The following BMPR2 variants were observed in gnomAD, a reference collection of about 807,000 sequenced individuals.
BMPR2 encodes the protein bone morphogenetic protein receptor type-2.
BMPR2 carries 29 observed loss-of-function variants against 100.8 expected under a neutral mutation model. That is an observed-to-expected ratio of 0.29 (90% CI 0.21 to 0.39). The LOEUF (loss-of-function observed/expected upper bound fraction) is 0.39. Among genes scored for constraint, BMPR2 ranks in the 10% least tolerant of loss-of-function variants. The pLI, the probability that BMPR2 is intolerant of heterozygous loss-of-function variation, is 1.00. For synonymous variants in BMPR2, 382 were observed against 442.3 expected (o/e 0.86, Z 1.71); for missense variants, 1,011 against 1,274.5 (o/e 0.79, Z 3.15).
intron 1 of BMPR2, among the ~76,000 whole-genome samples, chr2:202,432,059 G>T (rs1018250802): frequency 6.7e-6 from 1 of 150,298 alleles, no homozygotes; most frequent in Non-Finnish European, 1.5e-5. Flanking sequence ...GTGTGTTTGG[G>T]GTTGCCATTA....
At chr2:202,380,490 T>A (rs1295369091) in intron 1 of BMPR2, among the ~76,000 whole-genome samples, 1 of 152,152 alleles carries the variant, frequency 6.6e-6, no homozygotes, top group Non-Finnish European at 1.5e-5. Flanking sequence ...GGGTTCTTGA[T>A]AAAAATGCAT....
intron 3 of BMPR2, among the ~76,000 whole-genome samples, chr2:202,469,840 A>G (rs973596182): frequency 6.6e-6 from 1 of 151,858 alleles, no homozygotes; most frequent in Non-Finnish European, 1.5e-5. Flanking sequence ...ATTGAAAGAT[A>G]AGGGGGGGAA....
intron 1 of BMPR2, among the ~76,000 whole-genome samples, chr2:202,392,446 TAAAG>T (rs1481145531): frequency 1.3e-5 from 2 of 149,670 alleles, no homozygotes; most frequent in Non-Finnish European, 3.0e-5. Flanking sequence ...GAATTCCAAA[TAAAG>T]AAAGTGTTAC....
In BMPR2 at chr2:202,560,819, C is replaced by T. The variant is rs1559075995; in HGVS notation, c.*873C>T. The T allele has an allele frequency of 1.3e-5, 2 of 152,414 alleles. No individual in the cohort carries two copies. Among genetic ancestry groups the T allele is most frequent in the African/African-American group, 4.8e-5 (2 of 41,424 alleles). The allele number at this position is 152,414 out of a possible 1,614,324, so 9.4% of individuals were successfully genotyped here. A position where few individuals can be genotyped will look rare whatever the true frequency, so the allele number is the denominator to read the frequency against. ...GAGAATAGAACAAAATACAGGACAT[C>T]AAATATTAGCCATTTCCCATTTTAT... On this transcript the variant is annotated 3_prime_UTR_variant, in exon 13 of 13. Transcript: ENST00000374580.
intron 7 of BMPR2, among the ~76,000 whole-genome samples, chr2:202,526,624 T>G (rs1687916451): frequency 6.6e-6 from 1 of 152,244 alleles, no homozygotes; most frequent in African/African-American, 2.4e-5. Context: ...TTTAAAAAGT[T>G]GGCTTAGCAC....
intron 1 of BMPR2, among the ~76,000 whole-genome samples, chr2:202,457,522 AT>A (rs2105953207): frequency 6.7e-6 from 1 of 148,386 alleles, no homozygotes; most frequent in Non-Finnish European, 1.5e-5. Context: ...ATATAAAGAT[AT>A]ATTATTTTTA....
chr2:202,422,012 G>C (rs1317771308), intron 1 of BMPR2, among the ~76,000 whole-genome samples: 2 of 151,522 alleles, frequency 1.3e-5, no homozygotes, highest in Non-Finnish European at 2.9e-5. Context: ...AGGTTCAAGC[G>C]GTTCTCCTGC....
intron 7 of BMPR2, among the ~76,000 whole-genome samples, chr2:202,525,218 T>G (rs1051408420): frequency 5.9e-5 from 9 of 152,160 alleles, no homozygotes; most frequent in South Asian, 4.2e-4. Flanking sequence ...TGTTGTTGTT[T>G]TTTGTTTTTT....
intron 1 of BMPR2, among the ~76,000 whole-genome samples, chr2:202,389,590 T>C (rs996704472): frequency 6.6e-6 from 1 of 151,976 alleles, no homozygotes; most frequent in Non-Finnish European, 1.5e-5. Context: ...TAAAAAACTT[T>C]TTGTTATTTA....
At position 202,503,669 on chromosome 2, in the gene BMPR2, C is replaced by T. The variant is rs964761211; in HGVS notation, c.419-10050C>T. Among the ~76,000 whole-genome samples the T allele has an allele frequency of 6.6e-6, 1 of 152,214 alleles. No individual in the cohort carries two copies. Among genetic ancestry groups the T allele is most frequent in the African/African-American group, 2.4e-5 (1 of 41,460 alleles). On this transcript the variant is annotated intron_variant, in intron 3 of 12. Transcript: ENST00000374580. This position sits in a 1 kb window ranked among gnomAD's most constrained non-coding sequence, Gnocchi z 4.0. ...AGCCTCCCACCCCCTCCATGGGCCC[C>T]TGTGCGGCCCGAGCCTCCCTGATGA... is the stretch of plus-strand genomic sequence containing the variant.
chr2:202,393,603 T>TGCC (rs1690595208), intron 1 of BMPR2, among the ~76,000 whole-genome samples: 1 of 152,096 alleles, frequency 6.6e-6, no homozygotes, highest in Non-Finnish European at 1.5e-5. Flanking sequence ...GTCTAGACAG[T>TGCC]AGTTTTAATG....
intron 1 of BMPR2, among the ~76,000 whole-genome samples, chr2:202,404,150 T>A (rs556796333): frequency 1.1e-4 from 17 of 151,926 alleles, no homozygotes; most frequent in African/African-American, 4.1e-4. Context: ...ATAAAATGAC[T>A]TATTGTCATT....
Position 202,555,511 on chromosome 2 carries a change from A to G in BMPR2, c.1846A>G (p.Asn616Asp). 6.2e-7 allele frequency: 1 copy of G among 1,614,114 alleles called. No homozygotes were observed. Among genetic ancestry groups the G allele is most frequent in the Non-Finnish European group, 8.5e-7 (1 of 1,180,008 alleles). The stretch of plus-strand genomic sequence containing the variant: ...CCTCTCCACCAACACAACAACCACA[A>G]ACACCACAGGACTCACGCCAAGTAC... ...TSLSTNTTTTNTTGLTPSTGM... is the reference protein window; with the variant it reads ...TSLSTNTTTTDTTGLTPSTGM... The change falls in exon 12 of 13, where the codon AAC (asparagine) becomes GAC (aspartate). Residue 616 changes from asparagine to aspartate, a missense_variant. This residue lies in a region of BMPR2 where 508 missense variants were observed against 552.0 expected (regional missense o/e 0.92). Coordinates refer to ENST00000374580, the MANE Select transcript of BMPR2 (RefSeq NM_001204.7).
chr2:202,380,318 T>C lies in BMPR2; in HGVS notation c.76+2768T>C, dbSNP rs553617209. 7.9e-5 allele frequency among the ~76,000 whole-genome samples: 12 copies of C among 152,316 alleles called. No individual in the cohort carries two copies. In the South Asian group the frequency reaches 2.5e-3, roughly 32 times the overall value. ...AACTTCTGTAATGCGTTTTAAATAA[T>C]TCACTTGATTAGATTGCAATTTTAC... On this transcript the variant is annotated intron_variant, in intron 1 of 12. Coordinates refer to ENST00000374580, the MANE Select transcript of BMPR2 (RefSeq NM_001204.7).
intron 1 of BMPR2, among the ~76,000 whole-genome samples, chr2:202,393,882 CGAGAGAGA>C (rs56708616): frequency 0.093 from 9,109 of 97,776 alleles, 195 homozygotes; most frequent in Middle Eastern, 0.11. Flanking sequence ...AATGAGAGAG[CGAGAGAGA>C]GAGAGAGAGA....
At chr2:202,511,789 TG>T (rs1687629904) in intron 3 of BMPR2, among the ~76,000 whole-genome samples, 1 of 152,040 alleles carries the variant, frequency 6.6e-6, no homozygotes, top group African/African-American at 2.4e-5. Context: ...GAGGCCAAAG[TG>T]GGCACATCAA....
chr2:202,557,057 G>A (rs1009975884), intron 12 of BMPR2, among the ~76,000 whole-genome samples: 5 of 151,762 alleles, frequency 3.3e-5, no homozygotes, highest in Admixed American at 6.6e-5. Flanking sequence ...TGGGCCAGGC[G>A]TGGTGGCTCA....
At chr2:202,504,669 T>C (rs1687483488) in intron 3 of BMPR2, among the ~76,000 whole-genome samples, 3 of 148,716 alleles carry the variant, frequency 2.0e-5, no homozygotes, top group African/African-American at 7.5e-5. Flanking sequence ...TTTTCCATCA[T>C]AGTAGATTCT....
rs181162895 is a variant in BMPR2, at chr2:202,410,839, A to G, written c.76+33289A>G. ...CGTAATCCGCCCGCCTCGGCCTCCC[A>G]AAGTGCTAGGATTACAGACGTGAGC... On this transcript the variant is annotated intron_variant, in intron 1 of 12. Coordinates refer to ENST00000374580, the MANE Select transcript of BMPR2 (RefSeq NM_001204.7). 2.1e-3 allele frequency among the ~76,000 whole-genome samples: 316 copies of G among 152,282 alleles called. 2 individuals are homozygous for G. The highest frequency in any genetic ancestry group is 7.3e-3 in the African/African-American group (303 of 41,558).
Sources: allele counts gnomAD v4.1 joint callset (sites outside exome capture counted in the v4.1 genomes callset), GRCh38; gene constraint gnomAD v4.1.1; regional missense constraint gnomAD v4.1.1; non-coding constraint Gnocchi (gnomAD v3.1); transcripts MANE v1.5; gene names NCBI Gene and HGNC (gene_info 2026-07-23, HGNC 2026-07-21).